CACHD1: variants seen among roughly 807,000 people sequenced by gnomAD.
CACHD1 encodes VWFA and cache domain-containing protein 1.
CACHD1 carries 71 observed loss-of-function variants against 138.7 expected under a neutral mutation model. That is an observed-to-expected ratio of 0.51 (90% CI 0.42 to 0.62). CACHD1 has a LOEUF of 0.62. Among genes scored for constraint, CACHD1 ranks in the 20% least tolerant of loss-of-function variants. The pLI is 0.00. For synonymous variants in CACHD1, 578 were observed against 591.5 expected (o/e 0.98, Z 0.33); for missense variants, 1,389 against 1,625.3 (o/e 0.85, Z 2.50).
chr1:64,525,994 A>G (rs1646535704), intron 1 of CACHD1, among the ~76,000 whole-genome samples: 2 of 152,314 alleles, frequency 1.3e-5, no homozygotes, highest in South Asian at 2.1e-4. Context: ...ATTAAGTGCT[A>G]CTATTAGGGC....
intron 12 of CACHD1, 55 bp from the exon 13 acceptor site, chr1:64,658,650 T>C: frequency 7.2e-7 from 1 of 1,387,160 alleles, no homozygotes; most frequent in Non-Finnish European, 1.0e-6. Context: ...GCAAAGTCCC[T>C]GTCCCCATGG....
In CACHD1 at chr1:64,677,061, T is replaced by C. The variant is rs1398753462; in HGVS notation, c.3092+50T>C. 2.2e-6 allele frequency: 3 copies of C among 1,371,922 alleles called. No individual in the cohort carries two copies. The African/African-American group carries it at 4.3e-5, about 20-fold the overall frequency. 85.0% of individuals were successfully genotyped at this position (1,371,922 alleles called of 1,614,324 possible). ...GAGGTTTTCCAGCTAATATTTATTA[T>C]TCCTACTCTTCGTGTTTTAAAAAGG... is the stretch of plus-strand genomic sequence containing the variant. On this transcript the variant is annotated intron_variant, in intron 22 of 26. Transcript: ENST00000651257.
At chr1:64,495,560 T>C (rs887532531) in intron 1 of CACHD1, among the ~76,000 whole-genome samples, 1 of 152,214 alleles carries the variant, frequency 6.6e-6, no homozygotes, top group Non-Finnish European at 1.5e-5. Flanking sequence ...TTGGTCTGTC[T>C]GCCTGGATTG....
chr1:64,675,317 G>T, intron 19 of CACHD1, 84 bp from the exon 20 acceptor site: 1 of 1,018,320 alleles, frequency 9.8e-7, no homozygotes, highest in South Asian at 2.3e-5. Flanking sequence ...TTTTTCGTAG[G>T]TAGTTGAAGA....
At chr1:64,533,268 A>G (rs1466477134) in intron 1 of CACHD1, among the ~76,000 whole-genome samples, 1 of 152,212 alleles carries the variant, frequency 6.6e-6, no homozygotes, top group Non-Finnish European at 1.5e-5. Flanking sequence ...AGATACAAGA[A>G]TCACTTGAAC....
intron 1 of CACHD1, among the ~76,000 whole-genome samples, chr1:64,509,198 T>C (rs1326871159): frequency 6.6e-6 from 1 of 152,192 alleles, no homozygotes; most frequent in African/African-American, 2.4e-5. Context: ...CTCATCTCTT[T>C]GAACTGTCAT....
At chr1:64,632,012 T>C (rs554650389) in intron 5 of CACHD1, among the ~76,000 whole-genome samples, 2 of 152,126 alleles carry the variant, frequency 1.3e-5, no homozygotes, top group South Asian at 4.2e-4. Flanking sequence ...GCTGCCTCAC[T>C]TCTAACCAAG....
At chr1:64,485,276 C>T (rs1646235712) in intron 1 of CACHD1, among the ~76,000 whole-genome samples, 1 of 152,078 alleles carries the variant, frequency 6.6e-6, no homozygotes, top group Non-Finnish European at 1.5e-5. Flanking sequence ...GTATCATCAC[C>T]CCCCAAAATT....
Position 64,658,796 on chromosome 1 carries a change from G to C in CACHD1, c.1874G>C (p.Ser625Thr). 6.2e-7 allele frequency: 1 copy of C among 1,603,948 alleles called. No homozygotes were observed. The highest frequency in any genetic ancestry group is 8.5e-7 in the Non-Finnish European group (1 of 1,173,958). Residue 625 changes from serine to threonine, a missense_variant, in exon 13 of 27, where the codon AGC becomes ACC. By Grantham distance (58) the Ser-to-Thr change is moderately conservative. Transcript: ENST00000651257. ...AAGAACCTCAACACTGTTCCCAGCA[G>C]CAAGCTGCTGTACCACCGGCTGGAT... Reference protein sequence around the residue: ...QLKNLNTVPSSKLLYHRLDLL... With the variant: ...QLKNLNTVPSTKLLYHRLDLL...
At chr1:64,609,174 T>G (rs896858176) in intron 4 of CACHD1, among the ~76,000 whole-genome samples, 2 of 152,216 alleles carry the variant, frequency 1.3e-5, no homozygotes, top group Non-Finnish European at 2.9e-5. Context: ...CTATGTGCTA[T>G]AGGTTTTTCT....
At chr1:64,639,443 C>T (rs949244629) in intron 7 of CACHD1, among the ~76,000 whole-genome samples, 1 of 152,142 alleles carries the variant, frequency 6.6e-6, no homozygotes, top group Non-Finnish European at 1.5e-5. Context: ...CTTTTTGCAT[C>T]AGCATTCACT....
At chr1:64,573,710 A>G (rs1646944402) in intron 2 of CACHD1, among the ~76,000 whole-genome samples, 1 of 152,230 alleles carries the variant, frequency 6.6e-6, no homozygotes, top group Admixed American at 6.5e-5. Context: ...GGCAACAAAT[A>G]AAAATGCACA....
intron 2 of CACHD1, among the ~76,000 whole-genome samples, chr1:64,569,020 C>G (rs1646905283): frequency 6.6e-6 from 1 of 152,132 alleles, no homozygotes; most frequent in Non-Finnish European, 1.5e-5. Context: ...CTCCTGGATT[C>G]AAACGATTTT....
intron 1 of CACHD1, among the ~76,000 whole-genome samples, chr1:64,531,175 T>C (rs1277694811): frequency 2.6e-5 from 4 of 152,190 alleles, no homozygotes; most frequent in Admixed American, 2.6e-4. Flanking sequence ...AGCATTCTTA[T>C]TTCCTGCCTG....
At chr1:64,475,797 C>G (rs1362267115) in intron 1 of CACHD1, among the ~76,000 whole-genome samples, 1 of 152,166 alleles carries the variant, frequency 6.6e-6, no homozygotes, top group Non-Finnish European at 1.5e-5. Context: ...ATCCACCCGC[C>G]TCGGCCTCCC....
intron 8 of CACHD1, among the ~76,000 whole-genome samples, chr1:64,644,298 C>T (rs1648832501): frequency 6.6e-6 from 1 of 152,222 alleles, no homozygotes; most frequent in South Asian, 2.1e-4. Flanking sequence ...GACCACCTAC[C>T]ATGTACAACA....
chr1:64,614,654 G>A (rs374560836), intron 4 of CACHD1, among the ~76,000 whole-genome samples: 46 of 152,086 alleles, frequency 3.0e-4, no homozygotes, highest in African/African-American at 1.0e-3. Context: ...TCTAGATACC[G>A]GCTGGGCATC....
Position 64,678,230 on chromosome 1 carries a change from C to T in CACHD1, c.3164C>T (p.Pro1055Leu). The T allele has an allele frequency of 6.2e-7, 1 of 1,611,810 alleles. No individual in the cohort carries two copies. The highest frequency in any genetic ancestry group is 8.5e-7 in the Non-Finnish European group (1 of 1,179,126). Residue 1055 changes from proline to leucine, a missense_variant, in exon 23 of 27, where the codon CCC (proline) becomes CTC (leucine). Physicochemically the swap from Pro to Leu is moderately conservative, Grantham distance 98. Transcript: ENST00000651257. ...DSDGKTHLDK[P>L]YCAPQKECFG... is the part of the protein sequence containing the mutation. ...GATGGAAAGACTCACCTGGACAAACCCTACTGTGCCCCCCAGAAAGAATGC... is the reference window on the plus strand; with the variant it reads ...GATGGAAAGACTCACCTGGACAAACTCTACTGTGCCCCCCAGAAAGAATGC...
chr1:64,545,945 ATAACATTT>A (rs1646714960), intron 1 of CACHD1, among the ~76,000 whole-genome samples: 2 of 152,360 alleles, frequency 1.3e-5, no homozygotes, highest in Admixed American at 1.3e-4. Flanking sequence ...TCTATTTAAA[ATAACATTT>A]TAAAACTCCT....
Sources: allele counts gnomAD v4.1 joint callset (sites outside exome capture counted in the v4.1 genomes callset), GRCh38; gene constraint gnomAD v4.1.1; transcripts MANE v1.5; gene names NCBI Gene and HGNC (gene_info 2026-07-23, HGNC 2026-07-21).